Variants in PRKN observed in about 807,000 individuals in gnomAD.
PRKN encodes the protein parkin RBR E3 ubiquitin protein ligase, also known as E3 ubiquitin-protein ligase parkin.
Under a neutral mutation model 59.5 loss-of-function variants are expected in PRKN, and 56 were observed. That is an observed-to-expected ratio of 0.94 (90% CI 0.76 to 1.18). The LOEUF (loss-of-function observed/expected upper bound fraction) is 1.18, where lower values mean the gene tolerates loss of function less well. Among genes scored for constraint, PRKN ranks in the 50% most tolerant of loss-of-function variants. The pLI, the probability that PRKN is intolerant of heterozygous loss-of-function variation, is 0.00. For synonymous variants in PRKN, 250 were observed against 222.1 expected, an observed-to-expected ratio of 1.13 and a Z score of -1.12; for missense variants, 657 against 596.4, an observed-to-expected ratio of 1.10 and a Z score of -1.06.
chr6:161,696,004 C>T (rs1046684688), intron 7 of PRKN, among the ~76,000 whole-genome samples: 2 of 152,168 alleles, frequency 1.3e-5, no homozygotes. Flanking sequence ...CTGCATAGAA[C>T]ATCCAAGCAT....
At chr6:162,232,794 C>T (rs956698851) in intron 3 of PRKN, among the ~76,000 whole-genome samples, 1 of 152,084 alleles carries the variant, frequency 6.6e-6, no homozygotes, top group African/African-American at 2.4e-5. Flanking sequence ...TTATATGTTA[C>T]AGGACTGTTT....
chr6:161,413,532 C>T lies in PRKN; in HGVS notation c.1084-26655G>A, dbSNP rs62435934. Reference sequence around the variant, plus strand: ...ACTGGGGGAGAAGGCCGGAACCTGGCGGGCTCATGTGGGCACGCTGGCCAT... The same window carrying T: ...ACTGGGGGAGAAGGCCGGAACCTGGTGGGCTCATGTGGGCACGCTGGCCAT... On this transcript the variant is annotated intron_variant, in intron 9 of 11. Transcript: ENST00000366898. This position sits in a 1 kb window ranked among gnomAD's most constrained non-coding sequence, Gnocchi z 4.4. Among the ~76,000 whole-genome samples the T allele has an allele frequency of 1.3e-5, 2 of 152,052 alleles. No individual in the cohort carries two copies. The highest frequency in any genetic ancestry group is 4.8e-5 in the African/African-American group (2 of 41,396).
chr6:162,339,263 G>A (rs1173820163), intron 2 of PRKN, among the ~76,000 whole-genome samples: 16 of 143,400 alleles, frequency 1.1e-4, no homozygotes, highest in African/African-American at 1.0e-4. Flanking sequence ...CCCCCCGCCC[G>A]GCCAGCCGCC....
intron 7 of PRKN, among the ~76,000 whole-genome samples, chr6:161,676,810 G>A (rs1785103889): frequency 1.3e-5 from 2 of 152,120 alleles, no homozygotes; most frequent in Admixed American, 1.3e-4. Flanking sequence ...AATTCTGAAG[G>A]ACAGGGTGAG....
intron 11 of PRKN, among the ~76,000 whole-genome samples, chr6:161,358,411 G>A (rs1268603195): frequency 5.9e-5 from 9 of 152,122 alleles, no homozygotes; most frequent in Non-Finnish European, 8.8e-5. Context: ...TCAGGAGTTC[G>A]AGACCAGCCT....
chr6:161,780,252 G>A (rs140840633), intron 7 of PRKN, among the ~76,000 whole-genome samples: 216 of 152,242 alleles, frequency 1.4e-3, no homozygotes, highest in Non-Finnish European at 2.3e-3. Context: ...CTGAGGTGCC[G>A]TATATAAACC....
At chr6:162,452,136 A>G (rs1305124894) in intron 1 of PRKN, among the ~76,000 whole-genome samples, 1 of 152,220 alleles carries the variant, frequency 6.6e-6, no homozygotes, top group Non-Finnish European at 1.5e-5. Flanking sequence ...TCAATGCAGA[A>G]GTTTATATCC....
chr6:162,180,673 G>C (rs181257141), intron 4 of PRKN, among the ~76,000 whole-genome samples: 1 of 152,044 alleles, frequency 6.6e-6, no homozygotes, highest in Non-Finnish European at 1.5e-5. Context: ...ATATGTTGTC[G>C]GTTCCTTTTG....
rs1341692690 is a variant in PRKN at position 161,461,165 on chromosome 6, CAGAG to C, written c.1084-74292_1084-74289del. ...TGAACGTCAAGTTTGTCCTCAGGGA[CAGAG>C]AAAGAGTTTTGCTAGCCAGTGGCTC... On this transcript the variant is annotated intron_variant, in intron 9 of 11. Coordinates refer to ENST00000366898, the MANE Select transcript of PRKN (RefSeq NM_004562.3). The surrounding 1 kb of genome is among the most constrained non-coding windows in gnomAD (Gnocchi z 5.1). 6.6e-6 allele frequency among the ~76,000 whole-genome samples: 1 copy of C among 152,158 alleles called. No individual in the cohort carries two copies. The highest frequency in any genetic ancestry group is 2.4e-5 in the African/African-American group (1 of 41,438).
intron 4 of PRKN, among the ~76,000 whole-genome samples, chr6:162,113,660 C>CT (rs1393031737): frequency 2.6e-5 from 4 of 152,216 alleles, no homozygotes; most frequent in African/African-American, 9.6e-5. Context: ...ATTTTGGACT[C>CT]TAAATTATCC....
chr6:162,208,440 G>GT (rs982348206), intron 3 of PRKN, among the ~76,000 whole-genome samples: 1 of 152,130 alleles, frequency 6.6e-6, no homozygotes, highest in African/African-American at 2.4e-5. Flanking sequence ...TTAAATTAAC[G>GT]TATCTGCACA....
intron 6 of PRKN, among the ~76,000 whole-genome samples, chr6:161,968,747 AATTTG>A (rs1320806775): frequency 2.0e-5 from 3 of 152,194 alleles, no homozygotes; most frequent in Non-Finnish European, 4.4e-5. Flanking sequence ...TGTAATTATG[AATTTG>A]ATTTATCTCC....
intron 6 of PRKN, among the ~76,000 whole-genome samples, chr6:161,820,682 T>G (rs1791985644): frequency 6.7e-6 from 1 of 148,354 alleles, no homozygotes. Flanking sequence ...ATGGCAATTT[T>G]TATAAGTATA....
At chr6:162,063,551 CT>C (rs879268402) in intron 4 of PRKN, among the ~76,000 whole-genome samples, 101 of 147,046 alleles carry the variant, frequency 6.9e-4, no homozygotes, top group Non-Finnish European at 6.5e-4. Context: ...GAATTTCTTT[CT>C]TTTTTTTTTT....
chr6:162,371,044 G>C (rs2128136874), intron 2 of PRKN, among the ~76,000 whole-genome samples: 1 of 152,312 alleles, frequency 6.6e-6, no homozygotes, highest in South Asian at 2.1e-4. Flanking sequence ...CCTGACCCAA[G>C]TCAAAGCCAG....
At chr6:162,180,407 G>T (rs1412486393) in intron 4 of PRKN, among the ~76,000 whole-genome samples, 1 of 152,046 alleles carries the variant, frequency 6.6e-6, no homozygotes, top group Admixed American at 6.6e-5. Flanking sequence ...ATGTACCACA[G>T]AAATATGAAC....
At chr6:162,473,634 G>A (rs1295166668) in intron 1 of PRKN, among the ~76,000 whole-genome samples, 1 of 152,088 alleles carries the variant, frequency 6.6e-6, no homozygotes, top group Non-Finnish European at 1.5e-5. Flanking sequence ...CAATATAGGA[G>A]GTATTAATAA....
intron 4 of PRKN, among the ~76,000 whole-genome samples, chr6:162,146,444 C>CGATA (rs199972227): frequency 2.7e-5 from 4 of 149,848 alleles, no homozygotes; most frequent in Non-Finnish European, 5.9e-5. Context: ...ATATATATAT[C>CGATA]GATAGATAGA....
At chr6:161,441,406 A>G (rs60373799) in intron 9 of PRKN, among the ~76,000 whole-genome samples, 3,007 of 152,222 alleles carry the variant, frequency 0.02, 108 homozygotes, top group African/African-American at 0.069. Context: ...GCACTTTGGG[A>G]GGCCAAGGCG....
Sources: allele counts gnomAD v4.1 joint callset (sites outside exome capture counted in the v4.1 genomes callset), GRCh38; gene constraint gnomAD v4.1.1; non-coding constraint Gnocchi (gnomAD v3.1); transcripts MANE v1.5; gene names NCBI Gene and HGNC (gene_info 2026-07-23, HGNC 2026-07-21).